MAP7: variants seen among roughly 807,000 people sequenced by gnomAD.
MAP7 encodes ensconsin.
Under a neutral mutation model 94.8 loss-of-function variants are expected in MAP7, and 52 were observed. The observed-to-expected ratio is 0.55, with a 90% CI of 0.44 to 0.69. MAP7 has a LOEUF of 0.69. MAP7 is among the 30% of genes least tolerant of loss of function. MAP7 has a pLI of 0.00. For missense variants in MAP7, 940 were observed against 964.6 expected (o/e 0.97, Z 0.34); for synonymous variants, 350 against 357.0 (o/e 0.98, Z 0.22).
chr6:136,364,525 CTCTT>C (rs1793750119), intron 10 of MAP7: 1 of 258,410 alleles, frequency 3.9e-6, no homozygotes, highest in African/African-American at 2.3e-5. Context: ...TGAAAACTCT[CTCTT>C]CAAAAGTTGG....
At chr6:136,413,188 GAC>G (rs1460082997) in intron 2 of MAP7, among the ~76,000 whole-genome samples, 1 of 151,734 alleles carries the variant, frequency 6.6e-6, no homozygotes, top group Non-Finnish European at 1.5e-5. Flanking sequence ...AATTGACATT[GAC>G]ATTTTTAGAA....
chr6:136,468,189 T>C (rs913412353), intron 1 of MAP7, among the ~76,000 whole-genome samples: 2 of 152,200 alleles, frequency 1.3e-5, no homozygotes, highest in Non-Finnish European at 2.9e-5. Context: ...TTGGTACTAC[T>C]GACTTTTTTT....
intron 1 of MAP7, among the ~76,000 whole-genome samples, chr6:136,529,791 C>T (rs895026799): frequency 6.6e-6 from 1 of 152,164 alleles, no homozygotes; most frequent in Admixed American, 6.5e-5. Flanking sequence ...AATAGGCCCC[C>T]GAGCAACTGC....
At chr6:136,369,637 A>G (rs1795116493) in intron 8 of MAP7, among the ~76,000 whole-genome samples, 1 of 152,164 alleles carries the variant, frequency 6.6e-6, no homozygotes, top group Non-Finnish European at 1.5e-5. Context: ...CCTTGTGTAT[A>G]TGGTCAAAAG....
chr6:136,364,366 C>A, intron 10 of MAP7: 1 of 395,706 alleles, frequency 2.5e-6, no homozygotes. Flanking sequence ...CCTGCCCCCT[C>A]CACCAATGCT....
At chr6:136,543,599 G>A (rs1484364229) in intron 1 of MAP7, among the ~76,000 whole-genome samples, 3 of 152,136 alleles carry the variant, frequency 2.0e-5, no homozygotes, top group African/African-American at 7.2e-5. Flanking sequence ...GTTCCTGTGA[G>A]CTGAGATTGT....
intron 8 of MAP7, among the ~76,000 whole-genome samples, chr6:136,371,041 G>A (rs1774326123): frequency 6.6e-6 from 1 of 152,024 alleles, no homozygotes; most frequent in Non-Finnish European, 1.5e-5. Flanking sequence ...GGGTATAAAT[G>A]ACTCTGAGTC....
At chr6:136,514,171 C>T (rs1485825934) in intron 1 of MAP7, among the ~76,000 whole-genome samples, 1 of 152,204 alleles carries the variant, frequency 6.6e-6, no homozygotes, top group African/African-American at 2.4e-5. Context: ...GAATCACTAC[C>T]TATGGCAGCC....
chr6:136,349,724 A>ACAAT (rs1290893060), intron 16 of MAP7, among the ~76,000 whole-genome samples: 6 of 152,122 alleles, frequency 3.9e-5, no homozygotes, highest in Non-Finnish European at 8.8e-5. Context: ...GTGATAACTC[A>ACAAT]AACCCTCTTC....
chr6:136,359,383 T>G (rs1791872064), intron 15 of MAP7, among the ~76,000 whole-genome samples: 1 of 152,194 alleles, frequency 6.6e-6, no homozygotes, highest in Non-Finnish European at 1.5e-5. Context: ...TCTGAGAACT[T>G]CTATAATACA....
At chr6:136,356,089 T>C (rs1790838329) in intron 16 of MAP7, among the ~76,000 whole-genome samples, 1 of 152,250 alleles carries the variant, frequency 6.6e-6, no homozygotes, top group Non-Finnish European at 1.5e-5. Context: ...AATGCAATTG[T>C]TATATACCAT....
intron 3 of MAP7, among the ~76,000 whole-genome samples, chr6:136,411,020 C>T (rs1297268887): frequency 6.6e-6 from 1 of 152,228 alleles, no homozygotes; most frequent in Non-Finnish European, 1.5e-5. Flanking sequence ...GGGTTGGCAC[C>T]TGCTTCCTTG....
In MAP7 at chr6:136,361,127, G is replaced by C. The variant is rs138707784; in HGVS notation, c.1579C>G (p.Arg527Gly). ...TCCAGCCTGCGCGACTCCTCCTCAC[G>C]GCGAGTCGTCCTCTCTTCAGCCACA... is the stretch of plus-strand genomic sequence containing the variant. ...QRVAEERTTR[R>G]EEESRRLEAE... is the part of the protein sequence containing the mutation. The change falls in exon 12 of 18, where the codon CGT (arginine) becomes GGT (glycine). Residue 527 changes from arginine (R) to glycine (G), a missense_variant. Transcript: ENST00000354570. 76 of 1,605,608 alleles carry C rather than the reference G, an allele frequency of 4.7e-5. No individual in the cohort carries two copies. The South Asian group carries it at 5.9e-4, about 13-fold the overall frequency.
intron 16 of MAP7, 122 bp downstream of exon 16, chr6:136,356,570 A>C: frequency 1.4e-6 from 1 of 712,448 alleles, no homozygotes; most frequent in South Asian, 1.8e-5. Flanking sequence ...TACTAGCTCA[A>C]CCAAAAATCA....
chr6:136,549,796 T>C (rs1161836686), intron 1 of MAP7, among the ~76,000 whole-genome samples: 1 of 152,162 alleles, frequency 6.6e-6, no homozygotes, highest in African/African-American at 2.4e-5. Context: ...ACGACGGTCG[T>C]CGCCACTGCG....
chr6:136,415,484 C>T (rs1279180809), intron 2 of MAP7, among the ~76,000 whole-genome samples: 1 of 152,176 alleles, frequency 6.6e-6, no homozygotes, highest in African/African-American at 2.4e-5. Flanking sequence ...GGGACACATG[C>T]CACTCCTGAC....
intron 16 of MAP7, among the ~76,000 whole-genome samples, chr6:136,346,727 T>TAA (rs10670990): frequency 0.85 from 128,445 of 152,002 alleles, 54,353 homozygotes; most frequent in Admixed American, 0.88. Context: ...ATTCATCTGA[T>TAA]AGAGTACCAC....
Position 136,361,040 on chromosome 6 carries a change from G to C in MAP7, c.1666C>G (p.Arg556Gly). 1 of 1,583,214 alleles carries C rather than the reference G, an allele frequency of 6.3e-7. No homozygotes were observed. Among genetic ancestry groups the C allele is most frequent in the South Asian group, 1.1e-5 (1 of 89,300 alleles). The stretch of plus-strand genomic sequence containing the variant: ...GCGCGCTCTGCCTCCTCCCGCTCGC[G>C]CAGCGCCCGCTCCTCCGCCTGCCGC... ...LQRQAEERAL[R>G]EREEAERAQR... Residue 556 changes from arginine (R) to glycine (G), a missense_variant, in exon 12 of 18, where the codon CGC (arginine) becomes GGC (glycine). Physicochemically the swap from Arg to Gly is moderately radical, Grantham distance 125. Transcript: ENST00000354570.
At chr6:136,498,503 C>T (rs960658238) in intron 1 of MAP7, among the ~76,000 whole-genome samples, 2 of 151,988 alleles carry the variant, frequency 1.3e-5, no homozygotes, top group Non-Finnish European at 2.9e-5. Flanking sequence ...GAAATGAAAA[C>T]CAGAAGTCTC....
Sources: gnomAD v4.1 joint callset for allele counts (sites outside exome capture counted in the v4.1 genomes callset) on GRCh38, gnomAD v4.1.1 for gene constraint, MANE v1.5 for transcripts, NCBI Gene and HGNC (gene_info 2026-07-23, HGNC 2026-07-21) for gene names.